The following RGS7 variants were observed in gnomAD, a reference collection of about 807,000 sequenced individuals.
RGS7 encodes the protein regulator of G protein signaling 7.
In RGS7, 27 loss-of-function variants were observed where a neutral mutation model predicts 81.1. The ratio of observed to expected loss-of-function variants is 0.33; its 90% CI spans 0.25 to 0.46. RGS7 has a LOEUF of 0.46. RGS7 is among the 20% of genes least tolerant of loss of function. RGS7 has a pLI of 1.00. For synonymous variants in RGS7, 208 were observed against 207.7 expected (o/e 1.00, Z -0.01); for missense variants, 396 against 607.4 (o/e 0.65, Z 3.66).
At chr1:241,070,064 C>T (rs1374177002) in intron 3 of RGS7, among the ~76,000 whole-genome samples, 1 of 152,144 alleles carries the variant, frequency 6.6e-6, no homozygotes, top group Non-Finnish European at 1.5e-5. Flanking sequence ...AGGATGACAC[C>T]TCATCTAAGA....
intron 2 of RGS7, among the ~76,000 whole-genome samples, chr1:241,140,650 A>G (rs909961421): frequency 4.6e-5 from 7 of 152,124 alleles, no homozygotes; most frequent in East Asian, 1.9e-4. Context: ...GGCTCAAGCA[A>G]TCCTCCTGCC....
At chr1:241,275,502 C>A (rs374204030) in intron 2 of RGS7, among the ~76,000 whole-genome samples, 1 of 152,270 alleles carries the variant, frequency 6.6e-6, no homozygotes, top group East Asian at 1.9e-4. Context: ...TGACTTGATT[C>A]TTTAGAATCC....
intron 6 of RGS7, among the ~76,000 whole-genome samples, chr1:240,892,226 A>G (rs368887941): frequency 4.6e-4 from 70 of 152,262 alleles, no homozygotes; most frequent in South Asian, 1.7e-3. Context: ...GGCCCCTAGT[A>G]ATGACGTGTC....
chr1:240,947,848 A>C lies in RGS7; in HGVS notation c.227-11142T>G, dbSNP rs367587763. 2.0e-5 allele frequency among the ~76,000 whole-genome samples: 3 copies of C among 152,222 alleles called. No individual in the cohort carries two copies. The South Asian group carries it at 6.2e-4, about 32-fold the overall frequency. The stretch of plus-strand genomic sequence containing the variant: ...AGATCTTATATGATCTGGCCACCCC[A>C]GTTACTTCTCTGTCTTCCTTTCCTA... On this transcript the variant is annotated intron_variant, in intron 4 of 18. Transcript: ENST00000440928.
intron 4 of RGS7, among the ~76,000 whole-genome samples, chr1:240,947,165 C>G (rs1202859159): frequency 6.6e-6 from 1 of 152,182 alleles, no homozygotes; most frequent in South Asian, 2.1e-4. Flanking sequence ...GGTTATGAGG[C>G]TGGCCTTTGA....
In RGS7 at chr1:241,013,295, C is replaced by G. The variant is rs545074393; in HGVS notation, c.176-30166G>C. On this transcript the variant is annotated intron_variant, in intron 3 of 18. Coordinates refer to ENST00000440928, the MANE Select transcript of RGS7 (RefSeq NM_001364886.1). The stretch of plus-strand genomic sequence containing the variant: ...CCAGGCTGGTCTTGAACTCCTGACC[C>G]CAAGTGATCTGCCCACCTTAGCCTC... Among the ~76,000 whole-genome samples the G allele has an allele frequency of 2.0e-5, 3 of 152,000 alleles. No homozygotes were observed. The South Asian group carries it at 6.2e-4, about 32-fold the overall frequency.
chr1:241,054,600 C>T (rs753932692), intron 3 of RGS7, among the ~76,000 whole-genome samples: 4 of 152,158 alleles, frequency 2.6e-5, no homozygotes, highest in Non-Finnish European at 4.4e-5. Context: ...GTAATTCAAA[C>T]GTATAACATG....
rs372589189 is a variant in RGS7 at position 241,030,525 on chromosome 1, T to C, written c.176-47396A>G. 1.4e-4 allele frequency among the ~76,000 whole-genome samples: 13 copies of C among 90,186 alleles called. No homozygotes were observed. In the South Asian group the frequency reaches 2.3e-3, roughly 16 times the overall value. The allele number at this position is 90,186 out of a possible 152,430, so 59.2% of individuals were successfully genotyped here. On this transcript the variant is annotated intron_variant, in intron 3 of 18. Coordinates refer to ENST00000440928, the MANE Select transcript of RGS7 (RefSeq NM_001364886.1). ...ACACACACACACACACACACACACA[T>C]CCTTCTTTGATGGCTCCACTTCCCA...
At chr1:241,216,601 C>G (rs1210239805) in intron 2 of RGS7, among the ~76,000 whole-genome samples, 1 of 152,150 alleles carries the variant, frequency 6.6e-6, no homozygotes, top group Non-Finnish European at 1.5e-5. Context: ...CCTATTCACG[C>G]TATTGAACAT....
intron 13 of RGS7, 48 bp from the exon 14 acceptor site, chr1:240,812,091 C>T (rs1288218700): frequency 1.2e-6 from 2 of 1,610,680 alleles, no homozygotes; most frequent in Non-Finnish European, 1.7e-6. Context: ...ATTAGAATTC[C>T]CATTTTTTTG....
At chr1:240,846,905 C>T (rs539906834) in intron 9 of RGS7, among the ~76,000 whole-genome samples, 3 of 152,266 alleles carry the variant, frequency 2.0e-5, no homozygotes, top group African/African-American at 4.8e-5. Flanking sequence ...CCATCAGCCC[C>T]TTCAGATGAC....
intron 9 of RGS7, among the ~76,000 whole-genome samples, chr1:240,827,951 T>G (rs577297214): frequency 6.6e-6 from 1 of 151,822 alleles, no homozygotes; most frequent in Admixed American, 6.6e-5. Flanking sequence ...GGCATTTAGT[T>G]GAGCCAGCTC....
At position 240,814,776 on chromosome 1, in the gene RGS7, A is replaced by C; in HGVS notation, c.785T>G (p.Ile262Arg). ...ATCTAACTGTATTTGCCAATATTTT[A>C]TCTGAAAAGAGGGTTAGAGAAGGAG... ...PPTEDELQQQ[I>R]KYWQIQLDRH... The change falls in exon 12 of 19, where the codon ATA becomes AGA. Residue 262 changes from isoleucine (I) to arginine (R), a missense_variant and splice_region_variant. Physicochemically the swap from Ile to Arg is moderately conservative, Grantham distance 97. Transcript: ENST00000440928. 1.3e-6 allele frequency: 2 copies of C among 1,582,640 alleles called. No homozygotes were observed. The highest frequency in any genetic ancestry group is 1.7e-6 in the Non-Finnish European group (2 of 1,151,784).
intron 2 of RGS7, among the ~76,000 whole-genome samples, chr1:241,118,458 A>C (rs2066023635): frequency 1.3e-5 from 2 of 152,198 alleles, no homozygotes; most frequent in African/African-American, 4.8e-5. Flanking sequence ...TTTTTTTAAA[A>C]AATCAAATAG....
At chr1:241,055,607 G>A (rs372479106) in intron 3 of RGS7, among the ~76,000 whole-genome samples, 92 of 152,320 alleles carry the variant, frequency 6.0e-4, no homozygotes, top group African/African-American at 2.2e-3. Flanking sequence ...GCAGGAAGGG[G>A]CATGGAGCTT....
intron 4 of RGS7, among the ~76,000 whole-genome samples, chr1:240,970,567 T>C (rs1683038389): frequency 6.6e-6 from 1 of 152,214 alleles, no homozygotes. Flanking sequence ...CTGCACTGGA[T>C]GGCACTGATC....
intron 10 of RGS7, among the ~76,000 whole-genome samples, chr1:240,816,701 C>T (rs1229919586): frequency 6.6e-6 from 1 of 152,100 alleles, no homozygotes; most frequent in African/African-American, 2.4e-5. Context: ...GCTGGGAATA[C>T]CAAGTTGGAG....
intron 2 of RGS7, among the ~76,000 whole-genome samples, chr1:241,152,162 T>C (rs930021970): frequency 2.7e-5 from 4 of 149,780 alleles, no homozygotes; most frequent in Non-Finnish European, 4.4e-5. Context: ...AAAAGATCTT[T>C]GGGCAAGCCA....
chr1:240,937,663 A>G (rs916565364), intron 4 of RGS7, among the ~76,000 whole-genome samples: 1 of 152,194 alleles, frequency 6.6e-6, no homozygotes, highest in African/African-American at 2.4e-5. Flanking sequence ...TAAACTTTTA[A>G]AAGTTTTCAC....
Sources: allele counts gnomAD v4.1 joint callset (sites outside exome capture counted in the v4.1 genomes callset), GRCh38; gene constraint gnomAD v4.1.1; transcripts MANE v1.5; gene names NCBI Gene and HGNC (gene_info 2026-07-23, HGNC 2026-07-21).